Variants in ELAPOR2 observed in about 807,000 individuals in gnomAD.
ELAPOR2 encodes the protein endosome/lysosome-associated apoptosis and autophagy regulator family member 2.
In ELAPOR2, 89 loss-of-function variants were observed where a neutral mutation model predicts 120.7. The ratio of observed to expected loss-of-function variants is 0.74; its 90% CI spans 0.62 to 0.88. The LOEUF (loss-of-function observed/expected upper bound fraction) is 0.88, where lower values mean the gene tolerates loss of function less well. Among genes scored for constraint, ELAPOR2 ranks in the 40% least tolerant of loss-of-function variants. ELAPOR2 has a pLI of 0.00. For missense variants in ELAPOR2, 1,134 were observed against 1,251.6 expected (o/e 0.91, Z 1.42); for synonymous variants, 444 against 444.9 (o/e 1.00, Z 0.03).
intron 2 of ELAPOR2, among the ~76,000 whole-genome samples, chr7:86,951,824 C>T (rs913863755): frequency 2.0e-5 from 3 of 152,106 alleles, no homozygotes; most frequent in Admixed American, 6.6e-5. Flanking sequence ...GTTGTTAATT[C>T]GTTAATGTTG....
intron 13 of ELAPOR2, among the ~76,000 whole-genome samples, chr7:86,913,533 T>A (rs1789422390): frequency 6.6e-6 from 1 of 152,186 alleles, no homozygotes; most frequent in South Asian, 2.1e-4. Context: ...ACAGTTTTTA[T>A]CTCCCATCAT....
At chr7:86,960,931 C>T (rs1791679474) in intron 2 of ELAPOR2, among the ~76,000 whole-genome samples, 1 of 151,962 alleles carries the variant, frequency 6.6e-6, no homozygotes, top group Non-Finnish European at 1.5e-5. Flanking sequence ...AGCACTTTAT[C>T]TAAAACAACT....
chr7:87,058,929 G>A (rs1175061163), intron 1 of ELAPOR2, among the ~76,000 whole-genome samples: 1 of 151,928 alleles, frequency 6.6e-6, no homozygotes, highest in Non-Finnish European at 1.5e-5. Flanking sequence ...AAATCCTCTG[G>A]TGTCTGTGTC....
intron 1 of ELAPOR2, among the ~76,000 whole-genome samples, chr7:87,050,777 A>C (rs959693499): frequency 1.6e-4 from 25 of 152,214 alleles, no homozygotes; most frequent in African/African-American, 5.8e-4. Context: ...ATACAATGGT[A>C]GTATGGCCCA....
chr7:87,005,010 G>A (rs1467344214), intron 1 of ELAPOR2, among the ~76,000 whole-genome samples: 1 of 152,078 alleles, frequency 6.6e-6, no homozygotes, highest in Non-Finnish European at 1.5e-5. Context: ...AGTAGGAGAA[G>A]GGTTCCTCTG....
intron 1 of ELAPOR2, among the ~76,000 whole-genome samples, chr7:87,007,891 G>A (rs1260009332): frequency 1.3e-5 from 2 of 152,090 alleles, no homozygotes; most frequent in African/African-American, 2.4e-5. Context: ...GAGGAAGAAG[G>A]GAAAGGCTTT....
At chr7:86,972,327 C>T (rs765798118) in intron 1 of ELAPOR2, among the ~76,000 whole-genome samples, 1 of 152,106 alleles carries the variant, frequency 6.6e-6, no homozygotes, top group African/African-American at 2.4e-5. Context: ...ATTGGGAACC[C>T]GGGCAGTGAG....
At chr7:87,045,042 T>C in intron 1 of ELAPOR2, among the ~76,000 whole-genome samples, 1 of 136,234 alleles carries the variant, frequency 7.3e-6, no homozygotes, top group East Asian at 2.0e-4. Context: ...GAAATGCAAA[T>C]CAAAACCACA....
intron 1 of ELAPOR2, among the ~76,000 whole-genome samples, chr7:87,052,888 C>G (rs1795155577): frequency 6.6e-6 from 1 of 152,082 alleles, no homozygotes; most frequent in Non-Finnish European, 1.5e-5. Context: ...CCTCAACCTC[C>G]CAGGTTCAAT....
In ELAPOR2 at chr7:86,965,899, T is replaced by C. The variant is rs537957285; in HGVS notation, c.190-875A>G. On this transcript the variant is annotated intron_variant, in intron 1 of 21. Transcript: ENST00000450689. ...TCACTGTGTCAATGACAAGTGAGAA[T>C]AGAAACATCAAGCCACATCACCATG... 375 of 985,344 alleles carry C rather than the reference T, an allele frequency of 3.8e-4. 1 individual carries two copies. In the South Asian group the frequency reaches 0.016, roughly 41 times the overall value. The allele number at this position is 985,344 out of a possible 1,614,324, so 61.0% of individuals were successfully genotyped here. A position where few individuals can be genotyped will look rare whatever the true frequency, so the allele number is the denominator to read the frequency against.
intron 8 of ELAPOR2, among the ~76,000 whole-genome samples, chr7:86,933,116 TATAA>T (rs1455211103): frequency 1.1e-4 from 16 of 151,682 alleles, no homozygotes; most frequent in African/African-American, 3.6e-4. Flanking sequence ...CAAATATGTA[TATAA>T]ATATATCAAA....
At chr7:86,906,903 A>G (rs1449607068) in intron 18 of ELAPOR2, among the ~76,000 whole-genome samples, 3 of 151,930 alleles carry the variant, frequency 2.0e-5, no homozygotes, top group African/African-American at 7.2e-5. Flanking sequence ...TTAAAATAAA[A>G]TATAAAGTAA....
intron 10 of ELAPOR2, among the ~76,000 whole-genome samples, chr7:86,925,057 T>C (rs1790005715): frequency 1.3e-5 from 2 of 152,064 alleles, no homozygotes; most frequent in Non-Finnish European, 2.9e-5. Flanking sequence ...TGCCACATTT[T>C]CAAATTTTCA....
At chr7:86,888,986 T>C (rs1799822656) in intron 21 of ELAPOR2, among the ~76,000 whole-genome samples, 1 of 152,120 alleles carries the variant, frequency 6.6e-6, no homozygotes, top group East Asian at 1.9e-4. Flanking sequence ...ACTAAAAACA[T>C]GATAACTTAC....
intron 1 of ELAPOR2, among the ~76,000 whole-genome samples, chr7:87,014,027 C>CTT (rs35583728): frequency 0.04 from 4,833 of 122,304 alleles, 112 homozygotes; most frequent in Non-Finnish European, 0.054. Context: ...ATGTTTTTCA[C>CTT]TTTTTTTTTT....
At position 87,034,319 on chromosome 7, in the gene ELAPOR2, C is replaced by G. The variant is rs574303334; in HGVS notation, c.189+25006G>C. On this transcript the variant is annotated intron_variant, in intron 1 of 21. Transcript: ENST00000450689. ...GAGTGAGTTAATAAATAAAAATGCACTTAAAATTTTACCTGGCTATTGTTA... is the reference window on the plus strand; with the variant it reads ...GAGTGAGTTAATAAATAAAAATGCAGTTAAAATTTTACCTGGCTATTGTTA... Among the ~76,000 whole-genome samples, 8 of 152,028 alleles carry G rather than the reference C, an allele frequency of 5.3e-5. No homozygotes were observed. The South Asian group carries it at 1.7e-3, about 32-fold the overall frequency.
chr7:87,040,776 G>A (rs1258369209), intron 1 of ELAPOR2, among the ~76,000 whole-genome samples: 4 of 152,336 alleles, frequency 2.6e-5, no homozygotes, highest in African/African-American at 9.6e-5. Context: ...TGACTTTGAC[G>A]AGTTGAGAGA....
Position 86,912,063 on chromosome 7 carries a change from A to T in ELAPOR2, c.2169+9T>A. Reference sequence around the variant, plus strand: ...ATAGGTCCATCTCACCTTGACAGCCAGAACTCACCTCATGCCCACATAAAC... The same window carrying T: ...ATAGGTCCATCTCACCTTGACAGCCTGAACTCACCTCATGCCCACATAAAC... On this transcript the variant is annotated intron_variant, in intron 15 of 21. Transcript: ENST00000450689. 1 of 1,596,316 alleles carries T rather than the reference A, an allele frequency of 6.3e-7. No homozygotes were observed.
intron 5 of ELAPOR2, 92 bp downstream of exon 5, chr7:86,941,922 TATGA>T (rs1259299788): frequency 1.3e-5 from 9 of 669,558 alleles, no homozygotes; most frequent in Middle Eastern, 5.0e-4. Context: ...CTTAAAACGT[TATGA>T]AAGGAAGGGG....
Sources: allele counts gnomAD v4.1 joint callset (sites outside exome capture counted in the v4.1 genomes callset), GRCh38; gene constraint gnomAD v4.1.1; transcripts MANE v1.5; gene names NCBI Gene and HGNC (gene_info 2026-07-23, HGNC 2026-07-21).